Variants in FAM227B observed in about 807,000 individuals in gnomAD.
FAM227B encodes the protein family with sequence similarity 227 member B.
In FAM227B, 88 loss-of-function variants were observed where a neutral mutation model predicts 73.8. The ratio of observed to expected loss-of-function variants is 1.19; its 90% confidence interval spans 1.00 to 1.42. The LOEUF (loss-of-function observed/expected upper bound fraction) is 1.42. FAM227B is among the 40% of genes most tolerant of loss of function. The pLI is 0.00. For missense variants in FAM227B, 632 were observed against 590.9 expected (o/e 1.07, Z -0.72); for synonymous variants, 210 against 190.5 (o/e 1.10, Z -0.84).
intron 11 of FAM227B, among the ~76,000 whole-genome samples, chr15:49,432,387 T>A (rs2050694920): frequency 6.6e-6 from 1 of 151,692 alleles, no homozygotes; most frequent in Non-Finnish European, 1.5e-5. Context: ...ATTGAACAAT[T>A]TTCTTTCAGC....
chr15:49,524,690 A>C (rs2060026834), intron 10 of FAM227B, among the ~76,000 whole-genome samples: 1 of 152,192 alleles, frequency 6.6e-6, no homozygotes, highest in Admixed American at 6.5e-5. Flanking sequence ...CAGCTGGTGA[A>C]AGCAGCCTGG....
In FAM227B at chr15:49,542,509, CCT is replaced by C. The variant is rs370351287; in HGVS notation, c.748-705_748-704del. Among the ~76,000 whole-genome samples, 492 of 151,898 alleles carry C rather than the reference CCT, an allele frequency of 3.2e-3. 4 individuals carry two copies. Among genetic ancestry groups the C allele is most frequent in the African/African-American group, 0.011 (469 of 41,410 alleles). ...TTCCCATCCCCCTCCCATCCTTCCCCCTGAGTCCCTAAAGTCCACTATATGTA... is the reference window on the plus strand; with the variant it reads ...TTCCCATCCCCCTCCCATCCTTCCCCGAGTCCCTAAAGTCCACTATATGTA... On this transcript the variant is annotated intron_variant, in intron 9 of 15. Coordinates refer to ENST00000299338, the MANE Select transcript of FAM227B (RefSeq NM_152647.3).
At chr15:49,535,829 T>C (rs1038217666) in intron 10 of FAM227B, among the ~76,000 whole-genome samples, 8 of 151,728 alleles carry the variant, frequency 5.3e-5, no homozygotes, top group Non-Finnish European at 1.2e-4. Context: ...ATCATATTAA[T>C]TGATGCAAAA....
At chr15:49,541,958 A>G (rs2071133137) in intron 9 of FAM227B, 152 bp from the exon 10 acceptor site, 1 of 613,700 alleles carries the variant, frequency 1.6e-6, no homozygotes, top group Non-Finnish European at 2.4e-6. Context: ...TCACATTTAT[A>G]TAAATTAATG....
At chr15:49,540,341 T>A (rs959339632) in intron 10 of FAM227B, among the ~76,000 whole-genome samples, 7 of 152,318 alleles carry the variant, frequency 4.6e-5, no homozygotes, top group African/African-American at 1.7e-4. Flanking sequence ...TCTTTCTTTG[T>A]TCCTAGCTGT....
intron 11 of FAM227B, among the ~76,000 whole-genome samples, chr15:49,505,189 T>A (rs2058485615): frequency 6.6e-6 from 1 of 152,164 alleles, no homozygotes; most frequent in South Asian, 2.1e-4. Flanking sequence ...TTATGTAAAC[T>A]TCTAGAAAAT....
intron 11 of FAM227B, among the ~76,000 whole-genome samples, chr15:49,418,557 A>T (rs1259800999): frequency 2.0e-5 from 3 of 152,190 alleles, no homozygotes; most frequent in African/African-American, 7.2e-5. Context: ...AGCAAATCAA[A>T]TATCATATTC....
chr15:49,611,304 A>G (rs766958283), intron 2 of FAM227B, 36 bp from the exon 3 acceptor site: 2 of 1,142,514 alleles, frequency 1.8e-6, no homozygotes, highest in Admixed American at 3.6e-5. Context: ...CATTGGCATA[A>G]ACTCACTAGA....
intron 10 of FAM227B, among the ~76,000 whole-genome samples, chr15:49,532,009 C>G (rs1441651011): frequency 2.7e-5 from 4 of 149,322 alleles, no homozygotes; most frequent in Non-Finnish European, 5.9e-5. Flanking sequence ...AAGGGAATAT[C>G]TATATATAAT....
At chr15:49,478,284 CT>C (rs2055552305) in intron 11 of FAM227B, among the ~76,000 whole-genome samples, 4 of 151,684 alleles carry the variant, frequency 2.6e-5, no homozygotes, top group African/African-American at 9.7e-5. Flanking sequence ...CTTATTTGCC[CT>C]TTGTGTATCT....
intron 9 of FAM227B, among the ~76,000 whole-genome samples, chr15:49,566,486 C>A (rs371083981): frequency 2.0e-5 from 3 of 152,162 alleles, no homozygotes; most frequent in East Asian, 1.9e-4. Flanking sequence ...AAAATAAAAG[C>A]CATACAAAAT....
chr15:49,333,759 A>G (rs776011872), intron 14 of FAM227B, among the ~76,000 whole-genome samples: 5 of 152,238 alleles, frequency 3.3e-5, no homozygotes, highest in Non-Finnish European at 7.4e-5. Context: ...CTTATTCTGC[A>G]CGTGCTTACG....
chr15:49,351,739 T>A (rs369159892), intron 13 of FAM227B, among the ~76,000 whole-genome samples: 1 of 135,850 alleles, frequency 7.4e-6, no homozygotes, highest in Non-Finnish European at 1.6e-5. Flanking sequence ...ACAGTCCCAA[T>A]GGATGTCTCA....
At chr15:49,363,632 T>C (rs1161128883) in intron 13 of FAM227B, among the ~76,000 whole-genome samples, 1 of 152,200 alleles carries the variant, frequency 6.6e-6, no homozygotes, top group African/African-American at 2.4e-5. Flanking sequence ...TCTTGTCTGA[T>C]TGCTCTGGCC....
chr15:49,506,866 G>A lies in FAM227B; in HGVS notation c.1012+1345C>T, dbSNP rs576537618. Among the ~76,000 whole-genome samples, 4 of 152,042 alleles carry A rather than the reference G, an allele frequency of 2.6e-5. No individual in the cohort carries two copies. The East Asian group carries it at 7.7e-4, about 29-fold the overall frequency. ...AAAAGAAGAAAGAGAATGATTTAAA[G>A]AACAAGCAAAATATAAATAATTGGT... On this transcript the variant is annotated intron_variant, in intron 11 of 15. Transcript: ENST00000299338.
rs148873399 is a variant in FAM227B, at chr15:49,343,229, C to A, written c.1272-7733G>T. Among the ~76,000 whole-genome samples the A allele has an allele frequency of 6.4e-3, 969 of 152,030 alleles. 13 individuals are homozygous for A. The highest frequency in any genetic ancestry group is 0.022 in the African/African-American group (913 of 41,480). Reference sequence around the variant, plus strand: ...AAGATTTTGTTTATTTTTCTTAATTCTTTTTTTAATTTTTTGTCAGACTTG... The same window carrying A: ...AAGATTTTGTTTATTTTTCTTAATTATTTTTTTAATTTTTTGTCAGACTTG... On this transcript the variant is annotated intron_variant, in intron 13 of 15. Coordinates refer to ENST00000299338, the MANE Select transcript of FAM227B (RefSeq NM_152647.3).
At chr15:49,585,396 T>C (rs574638616) in intron 5 of FAM227B, among the ~76,000 whole-genome samples, 5 of 152,352 alleles carry the variant, frequency 3.3e-5, no homozygotes, top group Admixed American at 6.5e-5. Context: ...TGCACACGTA[T>C]GCTTACTGCG....
At chr15:49,589,193 C>T (rs995292983) in intron 4 of FAM227B, among the ~76,000 whole-genome samples, 5 of 152,098 alleles carry the variant, frequency 3.3e-5, no homozygotes, top group Non-Finnish European at 7.4e-5. Context: ...CCAGCTACCC[C>T]TAGAAACTAG....
chr15:49,498,933 G>A (rs943601590), intron 11 of FAM227B, among the ~76,000 whole-genome samples: 3 of 151,792 alleles, frequency 2.0e-5, no homozygotes, highest in South Asian at 2.1e-4. Flanking sequence ...TTGGGAGGCC[G>A]AGGCGGGCGG....
Sources: allele counts gnomAD v4.1 joint callset (sites outside exome capture counted in the v4.1 genomes callset), GRCh38; gene constraint gnomAD v4.1.1; transcripts MANE v1.5; gene names NCBI Gene and HGNC (gene_info 2026-07-23, HGNC 2026-07-21).